TENM3: variants seen among roughly 807,000 people sequenced by gnomAD.
TENM3 encodes the protein teneurin transmembrane protein 3.
Under a neutral mutation model 255.1 loss-of-function variants are expected in TENM3, and 63 were observed. The observed-to-expected ratio is 0.25, with a 90% CI of 0.20 to 0.30. TENM3 has a LOEUF of 0.30. Among genes scored for constraint, TENM3 ranks in the 10% least tolerant of loss-of-function variants. The pLI is 1.00. For missense variants in TENM3, 2,929 were observed against 3,461.1 expected (o/e 0.85, Z 3.86); for synonymous variants, 1,306 against 1,322.3 (o/e 0.99, Z 0.27).
chr4:182,240,513 A>C (rs1324560939), upstream of TENM3, among the ~76,000 whole-genome samples: 1 of 152,136 alleles, frequency 6.6e-6, no homozygotes, highest in African/African-American at 2.4e-5. Context: ...TCAGGATTAG[A>C]GATAAAAGGG....
At chr4:182,464,563 A>G (rs1732411363) in intron 3 of TENM3, among the ~76,000 whole-genome samples, 1 of 152,220 alleles carries the variant, frequency 6.6e-6, no homozygotes, top group Non-Finnish European at 1.5e-5. Flanking sequence ...GGCCTGTTAC[A>G]ATACTTTTAA....
At chr4:181,714,194 G>T in the TENM3 span, among the ~76,000 whole-genome samples, 2 of 152,168 alleles carry the variant, frequency 1.3e-5, no homozygotes, top group African/African-American at 4.8e-5. Context: ...CAAACACCTT[G>T]GGAGGCCAAA....
At chr4:181,862,141 G>T in the TENM3 span, among the ~76,000 whole-genome samples, 1 of 152,066 alleles carries the variant, frequency 6.6e-6, no homozygotes, top group Non-Finnish European at 1.5e-5. Flanking sequence ...TCTCTTCAAA[G>T]CATTTCTTAA....
chr4:181,642,467 T>C, the TENM3 span, among the ~76,000 whole-genome samples: 1 of 151,962 alleles, frequency 6.6e-6, no homozygotes, highest in Admixed American at 6.6e-5. Context: ...AGATACTCTT[T>C]AGTTTAGGTA....
At chr4:182,402,988 C>T (rs1769308832) in intron 3 of TENM3, among the ~76,000 whole-genome samples, 1 of 152,186 alleles carries the variant, frequency 6.6e-6, no homozygotes, top group Admixed American at 6.5e-5. Context: ...TGATTTGTCT[C>T]AGATATTTTT....
intron 22 of TENM3, among the ~76,000 whole-genome samples, chr4:182,765,689 G>A (rs1763657828): frequency 6.6e-6 from 1 of 152,098 alleles, no homozygotes; most frequent in South Asian, 2.1e-4. Context: ...CTGGGTTCCG[G>A]TCGCGATTGT....
At chr4:182,639,747 G>A (rs1193469296) in intron 5 of TENM3, among the ~76,000 whole-genome samples, 2 of 152,168 alleles carry the variant, frequency 1.3e-5, no homozygotes, top group Non-Finnish European at 2.9e-5. Context: ...GAAGGTCTCA[G>A]CAGATGTTAG....
chr4:182,615,501 G>A (rs1297537054), intron 4 of TENM3, among the ~76,000 whole-genome samples: 5 of 152,136 alleles, frequency 3.3e-5, no homozygotes, highest in African/African-American at 9.7e-5. Context: ...TAAGGTGAGT[G>A]CTGATGAGTG....
intron 12 of TENM3, among the ~76,000 whole-genome samples, chr4:182,692,593 T>C (rs1757089556): frequency 1.3e-5 from 2 of 152,232 alleles, no homozygotes; most frequent in South Asian, 4.1e-4. Context: ...TTCTGGAGGC[T>C]GATTGGCATT....
chr4:182,777,545 T>G (rs868041187), intron 24 of TENM3, among the ~76,000 whole-genome samples: 156 of 88,496 alleles, frequency 1.8e-3, no homozygotes, highest in South Asian at 3.8e-3. Context: ...GTGTGTGTAT[T>G]TCTTTTTTTT....
chr4:182,378,168 G>A (rs1767308226), intron 3 of TENM3, among the ~76,000 whole-genome samples: 1 of 152,100 alleles, frequency 6.6e-6, no homozygotes, highest in Non-Finnish European at 1.5e-5. Flanking sequence ...AGTGAGCTCG[G>A]GTAAGTGTGA....
At chr4:182,361,987 G>C (rs1328124738) in intron 3 of TENM3, among the ~76,000 whole-genome samples, 1 of 152,234 alleles carries the variant, frequency 6.6e-6, no homozygotes, top group Non-Finnish European at 1.5e-5. Context: ...GTCCACTCCA[G>C]ACCCTGTTTG....
intron 3 of TENM3, among the ~76,000 whole-genome samples, chr4:182,521,562 G>T (rs557240661): frequency 2.0e-5 from 3 of 151,380 alleles, no homozygotes; most frequent in South Asian, 4.2e-4. Flanking sequence ...AAGTCATACA[G>T]GTTGGGTAGC....
intron 1 of TENM3, among the ~76,000 whole-genome samples, chr4:182,269,197 A>G (rs1759450663): frequency 6.6e-6 from 1 of 152,134 alleles, no homozygotes; most frequent in South Asian, 2.1e-4. Context: ...GTGTAAATCT[A>G]TGGCAGAGTT....
chr4:182,620,994 A>T (rs937517807), intron 4 of TENM3, among the ~76,000 whole-genome samples: 21 of 152,300 alleles, frequency 1.4e-4, no homozygotes, highest in African/African-American at 5.1e-4. Flanking sequence ...ATCCTGGCTA[A>T]CAAAGTGAAA....
At chr4:182,114,199 G>A in the TENM3 span, among the ~76,000 whole-genome samples, 51 of 152,150 alleles carry the variant, frequency 3.4e-4, 1 homozygote, top group Non-Finnish European at 8.8e-5. Flanking sequence ...GCAGTTGTTA[G>A]AATTAAAAGC....
chr4:182,593,861 C>A (rs865993540), intron 3 of TENM3, among the ~76,000 whole-genome samples: 2 of 152,134 alleles, frequency 1.3e-5, no homozygotes, highest in African/African-American at 4.8e-5. Flanking sequence ...GTCTCAAAGT[C>A]CATTTCCACT....
the TENM3 span, among the ~76,000 whole-genome samples, chr4:182,093,168 G>T: frequency 2.6e-5 from 4 of 152,150 alleles, no homozygotes; most frequent in Non-Finnish European, 5.9e-5. Context: ...TGTCTTTAAA[G>T]CCTGCTAGTC....
Position 182,304,132 on chromosome 4 carries a change from G to A in TENM3, c.-75-19814G>A, listed in dbSNP as rs1188443923. On this transcript the variant is annotated intron_variant, in intron 1 of 27. Coordinates refer to ENST00000511685, the MANE Select transcript of TENM3 (RefSeq NM_001080477.4). ...GGGGATTGGCAAGTAAAAAAAAAAAGAAGTCAAAGAAAATGAGCTAAATCT... is the reference window on the plus strand; with the variant it reads ...GGGGATTGGCAAGTAAAAAAAAAAAAAAGTCAAAGAAAATGAGCTAAATCT... 4.0e-5 allele frequency among the ~76,000 whole-genome samples: 6 copies of A among 151,488 alleles called. No individual in the cohort carries two copies. The East Asian group carries it at 9.7e-4, about 25-fold the overall frequency.
Sources: gnomAD v4.1 joint callset for allele counts (sites outside exome capture counted in the v4.1 genomes callset) on GRCh38, gnomAD v4.1.1 for gene constraint, MANE v1.5 for transcripts, NCBI Gene and HGNC (gene_info 2026-07-23, HGNC 2026-07-21) for gene names.